The following ZFAT variants were observed in gnomAD, a reference collection of about 807,000 sequenced individuals.
The protein encoded by ZFAT is zinc finger protein ZFAT.
In ZFAT, 64 loss-of-function variants were observed where a neutral mutation model predicts 117.7. That is an observed-to-expected ratio of 0.54 (90% confidence interval 0.44 to 0.67). The LOEUF is 0.67. ZFAT is among the 30% of genes least tolerant of loss of function. ZFAT has a pLI of 0.00. For synonymous variants in ZFAT, 679 were observed against 615.0 expected (o/e 1.10, Z -1.54); for missense variants, 1,433 against 1,584.5 (o/e 0.90, Z 1.62).
chr8:134,634,368 T>C (rs1051414576), intron 3 of ZFAT, among the ~76,000 whole-genome samples: 10 of 152,256 alleles, frequency 6.6e-5, no homozygotes, highest in Non-Finnish European at 1.5e-4. Flanking sequence ...AATTTTGGAA[T>C]ATTTTCACTT....
At chr8:134,660,552 G>C (rs1392244143) in intron 1 of ZFAT, among the ~76,000 whole-genome samples, 1 of 152,226 alleles carries the variant, frequency 6.6e-6, no homozygotes, top group Admixed American at 6.5e-5. Context: ...TGAACAGATA[G>C]ACATGTCACA....
chr8:134,633,123 A>C (rs187944205), intron 3 of ZFAT, among the ~76,000 whole-genome samples: 21 of 152,342 alleles, frequency 1.4e-4, no homozygotes, highest in African/African-American at 4.3e-4. Context: ...AAAGAAAAAA[A>C]AAAGCAATGC....
intron 12 of ZFAT, 101 bp downstream of exon 12, chr8:134,532,733 T>A: frequency 7.0e-7 from 1 of 1,438,758 alleles, no homozygotes; most frequent in Middle Eastern, 2.3e-4. Context: ...GGCACATTTA[T>A]GTAGCAGAAC....
intron 3 of ZFAT, among the ~76,000 whole-genome samples, chr8:134,626,460 C>T (rs2131046925): frequency 6.6e-6 from 1 of 152,340 alleles, no homozygotes; most frequent in East Asian, 1.9e-4. Flanking sequence ...TGGTGCCCTG[C>T]CCCAGTGGTC....
At chr8:134,533,463 A>G (rs955748593) in intron 11 of ZFAT, among the ~76,000 whole-genome samples, 1 of 152,246 alleles carries the variant, frequency 6.6e-6, no homozygotes, top group African/African-American at 2.4e-5. Flanking sequence ...CAAGTACGCT[A>G]TACCTTCTAC....
intron 15 of ZFAT, among the ~76,000 whole-genome samples, chr8:134,492,153 G>A (rs186668241): frequency 4.0e-5 from 6 of 150,532 alleles, no homozygotes; most frequent in South Asian, 2.1e-4. Flanking sequence ...GAGACTCCAC[G>A]TGCTACGGCA....
the ZFAT span, among the ~76,000 whole-genome samples, chr8:134,831,402 A>C: frequency 6.6e-6 from 1 of 152,198 alleles, no homozygotes; most frequent in African/African-American, 2.4e-5. Context: ...AGCAACAAAC[A>C]TTAAACACTG....
At chr8:134,666,104 C>T (rs532653174) in intron 1 of ZFAT, among the ~76,000 whole-genome samples, 1 of 152,268 alleles carries the variant, frequency 6.6e-6, no homozygotes, top group African/African-American at 2.4e-5. Flanking sequence ...TCACTGGAGG[C>T]CCCATGGAGG....
At chr8:134,756,275 A>G in the ZFAT span, among the ~76,000 whole-genome samples, 1 of 152,194 alleles carries the variant, frequency 6.6e-6, no homozygotes, top group Non-Finnish European at 1.5e-5. Context: ...ATATTTTACC[A>G]TGGGCCCTCA....
intron 3 of ZFAT, among the ~76,000 whole-genome samples, chr8:134,615,178 C>T (rs1053985597): frequency 6.6e-6 from 1 of 152,108 alleles, no homozygotes; most frequent in South Asian, 2.1e-4. Flanking sequence ...CTGGCAGCGG[C>T]TAAGGTGGAA....
At chr8:134,596,477 A>T (rs527281131) in intron 7 of ZFAT, among the ~76,000 whole-genome samples, 1 of 152,306 alleles carries the variant, frequency 6.6e-6, no homozygotes, top group South Asian at 2.1e-4. Context: ...ATGCTTCAGA[A>T]TTTTTCTTAG....
chr8:134,598,561 G>A (rs1041591986), intron 7 of ZFAT: 4 of 152,342 alleles, frequency 2.6e-5, no homozygotes, highest in African/African-American at 9.6e-5. Context: ...AGGAGGCCGA[G>A]CATCAGCAGC....
chr8:134,810,761 T>G, the ZFAT span, among the ~76,000 whole-genome samples: 1 of 152,230 alleles, frequency 6.6e-6, no homozygotes, highest in African/African-American at 2.4e-5. Context: ...CAAAAACATT[T>G]GAAAACAGTA....
intron 10 of ZFAT, among the ~76,000 whole-genome samples, chr8:134,569,700 CT>C (rs1824738255): frequency 6.6e-6 from 1 of 152,130 alleles, no homozygotes; most frequent in Non-Finnish European, 1.5e-5. Flanking sequence ...AAGCAGCCCC[CT>C]GAAGGATGAG....
At chr8:134,774,185 C>T in the ZFAT span, among the ~76,000 whole-genome samples, 41 of 151,790 alleles carry the variant, frequency 2.7e-4, no homozygotes, top group East Asian at 7.8e-4. Flanking sequence ...TTAGTAGAGA[C>T]GGGGTTTCAC....
chr8:134,650,531 T>C (rs74346058), intron 2 of ZFAT, among the ~76,000 whole-genome samples: 4,932 of 152,270 alleles, frequency 0.032, 274 homozygotes, highest in African/African-American at 0.11. Context: ...AATCCAACTG[T>C]CTTTTTTGAA....
At chr8:134,831,782 C>T in the ZFAT span, among the ~76,000 whole-genome samples, 1 of 152,068 alleles carries the variant, frequency 6.6e-6, no homozygotes, top group South Asian at 2.1e-4. Context: ...TTCCCGGCCC[C>T]GAGCCCCCCA....
chr8:134,511,510 A>G (rs1819843511), intron 14 of ZFAT, among the ~76,000 whole-genome samples: 1 of 152,210 alleles, frequency 6.6e-6, no homozygotes. Context: ...ACTGGCCCAC[A>G]GGAGTTTTCT....
chr8:134,509,430 C>G (rs548297930), intron 15 of ZFAT, among the ~76,000 whole-genome samples, 189 bp downstream of exon 15: 84 of 152,140 alleles, frequency 5.5e-4, no homozygotes, highest in Non-Finnish European at 7.6e-4. Flanking sequence ...CCAAACACCT[C>G]CCACATATAG....
Sources: gnomAD v4.1 joint callset for allele counts (sites outside exome capture counted in the v4.1 genomes callset) on GRCh38, gnomAD v4.1.1 for gene constraint, MANE v1.5 for transcripts, NCBI Gene and HGNC (gene_info 2026-07-23, HGNC 2026-07-21) for gene names.